The following GLDC variants were observed in gnomAD, a reference collection of about 807,000 sequenced individuals.
GLDC encodes the protein glycine dehydrogenase (decarboxylating), mitochondrial.
Under a neutral mutation model 121.3 loss-of-function variants are expected in GLDC, and 104 were observed. The observed-to-expected ratio is 0.86, with a 90% confidence interval of 0.73 to 1.01. GLDC has a LOEUF of 1.01. Ranked by LOEUF, GLDC falls within the 50% of genes least tolerant of loss-of-function variation. GLDC has a pLI of 0.00. For missense variants in GLDC, 1,429 were observed against 1,306.6 expected (o/e 1.09, Z -1.44); for synonymous variants, 546 against 480.6 (o/e 1.14, Z -1.78).
At chr9:6,556,423 A>C in intron 17 of GLDC, 121 bp from the exon 18 acceptor site, 1 of 814,370 alleles carries the variant, frequency 1.2e-6, no homozygotes, top group South Asian at 1.4e-5. Context: ...ACTTTCCTGG[A>C]ACTGTCTCAA....
At chr9:6,567,640 T>C (rs1457486990) in intron 15 of GLDC, among the ~76,000 whole-genome samples, 4 of 152,258 alleles carry the variant, frequency 2.6e-5, no homozygotes, top group African/African-American at 9.6e-5. Context: ...GTATTCTCTA[T>C]TCCAAGAACA....
At chr9:6,599,572 T>C (rs1818558342) in intron 8 of GLDC, among the ~76,000 whole-genome samples, 3 of 150,778 alleles carry the variant, frequency 2.0e-5, no homozygotes. Flanking sequence ...AATAGAAAAA[T>C]TAGTTGGGCA....
At chr9:6,609,231 C>G (rs1231046006) in intron 4 of GLDC, among the ~76,000 whole-genome samples, 1 of 152,188 alleles carries the variant, frequency 6.6e-6, no homozygotes. Flanking sequence ...AGTCCACTTC[C>G]AGAAATGGCT....
chr9:6,603,851 T>C (rs1338188174), intron 7 of GLDC, among the ~76,000 whole-genome samples: 1 of 151,596 alleles, frequency 6.6e-6, no homozygotes, highest in Non-Finnish European at 1.5e-5. Context: ...TGCCTCTGCC[T>C]CCCAAGTAGC....
At chr9:6,602,032 CAAAT>C (rs1343279481) in intron 8 of GLDC, 73 bp downstream of exon 8, 2 of 914,546 alleles carry the variant, frequency 2.2e-6, no homozygotes, top group Non-Finnish European at 3.7e-6. Context: ...AATAAATGAA[CAAAT>C]GAATGAATGA....
intron 5 of GLDC, 198 bp from the exon 6 acceptor site, chr9:6,605,476 T>G: frequency 6.3e-6 from 4 of 634,048 alleles, no homozygotes. Context: ...CAGCTCTGCT[T>G]CTGTTCCTCT....
chr9:6,618,892 C>T (rs376208822), intron 3 of GLDC, among the ~76,000 whole-genome samples: 2 of 151,786 alleles, frequency 1.3e-5, no homozygotes, highest in Non-Finnish European at 2.9e-5. Flanking sequence ...GCCTGTAATC[C>T]CAGCCCTCTG....
At chr9:6,571,500 A>C (rs1251356484) in intron 15 of GLDC, among the ~76,000 whole-genome samples, 1 of 152,222 alleles carries the variant, frequency 6.6e-6, no homozygotes, top group Non-Finnish European at 1.5e-5. Context: ...GAGACATTGC[A>C]GTGAGATCGT....
intron 20 of GLDC, among the ~76,000 whole-genome samples, chr9:6,551,597 T>C (rs1817516023): frequency 6.6e-6 from 1 of 152,106 alleles, no homozygotes; most frequent in Non-Finnish European, 1.5e-5. Flanking sequence ...AGTACTTTGG[T>C]ATCATTAAGG....
intron 15 of GLDC, among the ~76,000 whole-genome samples, chr9:6,566,121 T>C (rs1817850731): frequency 6.6e-6 from 1 of 152,126 alleles, no homozygotes; most frequent in South Asian, 2.1e-4. Flanking sequence ...CATGCATCTG[T>C]AGTACCAGCT....
chr9:6,620,373 T>A, intron 2 of GLDC, 54 bp from the exon 3 acceptor site: 2 of 1,450,386 alleles, frequency 1.4e-6, no homozygotes, highest in Non-Finnish European at 1.9e-6. Flanking sequence ...AAAAGAGCTC[T>A]AATTACAGTT....
At chr9:6,565,797 A>T (rs897505264) in intron 15 of GLDC, 1 of 484,580 alleles carries the variant, frequency 2.1e-6, no homozygotes. Flanking sequence ...AGCCAGCTGT[A>T]ACAATTTGGT....
intron 15 of GLDC, among the ~76,000 whole-genome samples, chr9:6,577,434 T>G (rs1290491250): frequency 2.6e-5 from 4 of 152,182 alleles, no homozygotes; most frequent in African/African-American, 9.6e-5. Context: ...CATCAGCTGA[T>G]GGAGGAACCC....
chr9:6,533,319 G>A (rs1028090942), intron 24 of GLDC, among the ~76,000 whole-genome samples, 159 bp from the exon 25 acceptor site: 2 of 152,066 alleles, frequency 1.3e-5, no homozygotes, highest in South Asian at 2.1e-4. Flanking sequence ...TTAAAAAAAA[G>A]AGGCATTTCC....
chr9:6,554,247 A>T (rs1817571311), intron 19 of GLDC, among the ~76,000 whole-genome samples: 1 of 152,148 alleles, frequency 6.6e-6, no homozygotes, highest in South Asian at 2.1e-4. Flanking sequence ...TGTGTTACTT[A>T]TCTCAACACC....
intron 16 of GLDC, among the ~76,000 whole-genome samples, chr9:6,563,164 C>A (rs879927447): frequency 7.2e-5 from 11 of 152,184 alleles, no homozygotes; most frequent in Admixed American, 4.6e-4. Flanking sequence ...CGGAAGAACC[C>A]CGCCCAGGCC....
chr9:6,592,957 T>G lies in GLDC; in HGVS notation c.1295A>C (p.Asp432Ala). ...LKRAGHQLQH[D>A]LFFDTLKIQC... ...AATCTTCAAGGTATCAAAGAACAGG[T>G]CATGCTGGAGTTGATGCCCTGCTCG... is the stretch of plus-strand genomic sequence containing the variant. The change falls in exon 10 of 25, where the codon GAC (aspartate) becomes GCC (alanine). Residue 432 changes from aspartate to alanine, a missense_variant. Transcript: ENST00000321612. 1 of 1,614,116 alleles carries G rather than the reference T, an allele frequency of 6.2e-7. No individual in the cohort carries two copies. Among genetic ancestry groups the G allele is most frequent in the Non-Finnish European group, 8.5e-7 (1 of 1,179,962 alleles).
intron 4 of GLDC, among the ~76,000 whole-genome samples, chr9:6,608,531 G>C (rs756978535): frequency 4.7e-5 from 7 of 148,800 alleles, no homozygotes; most frequent in Non-Finnish European, 1.0e-4. Flanking sequence ...ATGAGGTCAG[G>C]AGATCGAGAC....
chr9:6,574,353 G>A (rs1157260024), intron 15 of GLDC, among the ~76,000 whole-genome samples: 1 of 151,960 alleles, frequency 6.6e-6, no homozygotes, highest in African/African-American at 2.4e-5. Context: ...TGTAATTCCA[G>A]CTACTTGGGA....
Sources: gnomAD v4.1 joint callset for allele counts (sites outside exome capture counted in the v4.1 genomes callset) on GRCh38, gnomAD v4.1.1 for gene constraint, MANE v1.5 for transcripts, NCBI Gene and HGNC (gene_info 2026-07-23, HGNC 2026-07-21) for gene names.